Variants in ADK observed in about 807,000 individuals in gnomAD.
ADK encodes the protein adenosine kinase, also known as N6,N6-dimethyladenosine kinase.
In ADK, 24 loss-of-function variants were observed where a neutral mutation model predicts 44.7. The ratio of observed to expected loss-of-function variants is 0.54; its 90% CI spans 0.39 to 0.76. The LOEUF is 0.76. Among genes scored for constraint, ADK ranks in the 30% least tolerant of loss-of-function variants. The pLI is 0.00. For synonymous variants in ADK, 128 were observed against 142.6 expected, an observed-to-expected ratio of 0.90 and a Z score of 0.73; for missense variants, 321 against 425.1, an observed-to-expected ratio of 0.76 and a Z score of 2.15.
chr10:74,352,834 T>C (rs2131910499), intron 4 of ADK, among the ~76,000 whole-genome samples: 1 of 152,274 alleles, frequency 6.6e-6, no homozygotes, highest in South Asian at 2.1e-4. Flanking sequence ...CATTGGTCAT[T>C]AGAGAAATGC....
rs67693938 is a variant in ADK at position 74,184,501 on chromosome 10, T to TTGTGTGTGTGTGTG, written c.66-16233_66-16220dup. ...ACACACCACCATGCCTGGCTATATT[T>TTGTGTGTGTGTGTG]TGTGTGTGTGTGTGTGTGTGTGTGT... On this transcript the variant is annotated intron_variant, in intron 1 of 10. Transcript: ENST00000539909. 2.9e-5 allele frequency among the ~76,000 whole-genome samples: 4 copies of TTGTGTGTGTGTGTG among 138,508 alleles called. No homozygotes were observed. In the South Asian group the frequency reaches 7.2e-4, roughly 25 times the overall value. 90.9% of individuals were successfully genotyped at this position (138,508 alleles called of 152,430 possible). A position where few individuals can be genotyped will look rare whatever the true frequency, so the allele number is the denominator to read the frequency against.
At chr10:74,230,046 CT>C (rs5786138) in intron 3 of ADK, among the ~76,000 whole-genome samples, 59,131 of 116,042 alleles carry the variant, frequency 0.51, 13,778 homozygotes, top group Middle Eastern at 0.6. Flanking sequence ...TTAAAAGAAT[CT>C]TTTTTTTTTT....
intron 6 of ADK, among the ~76,000 whole-genome samples, chr10:74,515,871 G>T (rs1848548777): frequency 6.6e-6 from 1 of 152,162 alleles, no homozygotes. Context: ...CAGAATAACA[G>T]CCAGTCCAGG....
chr10:74,666,796 T>C (rs1031511128), intron 9 of ADK, among the ~76,000 whole-genome samples: 3 of 151,712 alleles, frequency 2.0e-5, no homozygotes, highest in Non-Finnish European at 2.9e-5. Flanking sequence ...AGCTATGGAG[T>C]AGGTCATGCC....
At chr10:74,522,258 G>T (rs1489673628) in intron 6 of ADK, among the ~76,000 whole-genome samples, 2 of 152,144 alleles carry the variant, frequency 1.3e-5, no homozygotes, top group Non-Finnish European at 2.9e-5. Context: ...TGATCTAATG[G>T]TAATAAACCT....
chr10:74,656,039 G>T, intron 9 of ADK: 1 of 540,426 alleles, frequency 1.9e-6, no homozygotes, highest in Non-Finnish European at 3.5e-6. Context: ...GCCTTGGAGA[G>T]AGTAGGACTG....
intron 9 of ADK, among the ~76,000 whole-genome samples, chr10:74,630,254 C>G (rs951155883): frequency 8.0e-5 from 12 of 150,592 alleles, no homozygotes; most frequent in Non-Finnish European, 1.8e-4. Flanking sequence ...ATTTTAAAAC[C>G]AGCAAACTAC....
intron 3 of ADK, among the ~76,000 whole-genome samples, chr10:74,276,369 A>G (rs1389299189): frequency 6.6e-6 from 1 of 152,182 alleles, no homozygotes; most frequent in Non-Finnish European, 1.5e-5. Flanking sequence ...TATCTTTTGG[A>G]TGACAGGGGT....
intron 9 of ADK, among the ~76,000 whole-genome samples, chr10:74,628,797 C>T (rs1274515155): frequency 6.6e-6 from 1 of 152,074 alleles, no homozygotes; most frequent in Non-Finnish European, 1.5e-5. Flanking sequence ...GAAAGGTTGT[C>T]AGGAACTGGC....
intron 9 of ADK, among the ~76,000 whole-genome samples, chr10:74,658,571 G>T (rs919492649): frequency 6.6e-6 from 1 of 151,866 alleles, no homozygotes; most frequent in Non-Finnish European, 1.5e-5. Context: ...AAGTAACTGG[G>T]ACTACAGGCA....
intron 4 of ADK, among the ~76,000 whole-genome samples, chr10:74,338,993 C>T (rs1205403140): frequency 1.3e-5 from 2 of 152,166 alleles, no homozygotes; most frequent in Non-Finnish European, 2.9e-5. Context: ...TGTTCCATTT[C>T]CCAGGCTGGA....
chr10:74,523,063 C>T (rs769698915), intron 6 of ADK, among the ~76,000 whole-genome samples: 3 of 152,054 alleles, frequency 2.0e-5, no homozygotes, highest in Non-Finnish European at 2.9e-5. Context: ...CAGGCTTCAT[C>T]ACATGTAAGC....
rs185047356 is a variant in ADK at position 74,173,248 on chromosome 10, G to A, written c.65+21905G>A. ...TGGGACTACAGGCACCCGCCACCAC[G>A]CCCGGCTAATTTTTTTTTTAATTTT... On this transcript the variant is annotated intron_variant, in intron 1 of 10. Transcript: ENST00000539909. 1.0e-3 allele frequency among the ~76,000 whole-genome samples: 153 copies of A among 150,972 alleles called. 4 individuals are homozygous for A. In the East Asian group the frequency reaches 0.026, roughly 25 times the overall value.
intron 1 of ADK, among the ~76,000 whole-genome samples, chr10:74,198,129 T>G (rs1355540801): frequency 2.0e-5 from 3 of 150,350 alleles, no homozygotes; most frequent in Non-Finnish European, 4.4e-5. Flanking sequence ...TTGTTTTGTT[T>G]TTTAAATAAC....
chr10:74,166,923 T>G (rs1374270861), intron 1 of ADK, among the ~76,000 whole-genome samples: 7 of 152,192 alleles, frequency 4.6e-5, no homozygotes, highest in African/African-American at 1.7e-4. Flanking sequence ...ACCTGAGTCC[T>G]ATTAAGGTCT....
At chr10:74,160,923 C>T (rs1268113744) in intron 1 of ADK, among the ~76,000 whole-genome samples, 2 of 152,110 alleles carry the variant, frequency 1.3e-5, no homozygotes, top group East Asian at 3.9e-4. Flanking sequence ...AAACAACCTT[C>T]CTCTTCTCCC....
chr10:74,275,400 T>C (rs1457173993), intron 3 of ADK, among the ~76,000 whole-genome samples: 1 of 152,058 alleles, frequency 6.6e-6, no homozygotes, highest in Non-Finnish European at 1.5e-5. Flanking sequence ...TTTGGGGGTG[T>C]GGTTTGAGAG....
chr10:74,573,042 C>G lies in ADK; in HGVS notation c.727-16240C>G, dbSNP rs866383259. Among the ~76,000 whole-genome samples the G allele has an allele frequency of 4.0e-3, 609 of 151,998 alleles. 3 individuals carry two copies. Among genetic ancestry groups the G allele is most frequent in the African/African-American group, 0.014 (572 of 41,468 alleles). On this transcript the variant is annotated intron_variant, in intron 7 of 10. Coordinates refer to ENST00000539909, the MANE Select transcript of ADK (RefSeq NM_006721.4). ...TCCATCCAGCTTTGTTCCGTTGCTG[C>G]TGAGGAGCTGCGTTCCTTTGGAGGA...
In ADK at chr10:74,689,899, G is replaced by A. The variant is rs199904001; in HGVS notation, c.965-18422G>A. 9.2e-5 allele frequency among the ~76,000 whole-genome samples: 14 copies of A among 152,196 alleles called. No individual in the cohort carries two copies. The East Asian group carries it at 1.7e-3, about 19-fold the overall frequency. On this transcript the variant is annotated intron_variant, in intron 10 of 10. Transcript: ENST00000539909. ...AGAATAGTGGTTCTCAAACTTGAGC[G>A]TGCATCAGAATCATCTGAACACTTG...
Sources: allele counts gnomAD v4.1 joint callset (sites outside exome capture counted in the v4.1 genomes callset), GRCh38; gene constraint gnomAD v4.1.1; transcripts MANE v1.5; gene names NCBI Gene and HGNC (gene_info 2026-07-23, HGNC 2026-07-21).